The following LRP12 variants were observed in gnomAD, a reference collection of about 807,000 sequenced individuals.
LRP12 encodes low-density lipoprotein receptor-related protein 12.
Under a neutral mutation model 66.0 loss-of-function variants are expected in LRP12, and 14 were observed. That is an observed-to-expected ratio of 0.21 (90% CI 0.14 to 0.33). The LOEUF (loss-of-function observed/expected upper bound fraction) is 0.33. Ranked by LOEUF, LRP12 falls within the 10% of genes least tolerant of loss-of-function variation. LRP12 has a pLI of 1.00. For missense variants in LRP12, 889 were observed against 1,053.4 expected, an observed-to-expected ratio of 0.84 and a Z score of 2.16; for synonymous variants, 357 against 359.1, an observed-to-expected ratio of 0.99 and a Z score of 0.07.
At chr8:104,533,415 C>G (rs1034455828) in intron 1 of LRP12, among the ~76,000 whole-genome samples, 1 of 152,040 alleles carries the variant, frequency 6.6e-6, no homozygotes, top group Non-Finnish European at 1.5e-5. Context: ...TTGCTACTCA[C>G]GAGTAGACTA....
rs1206769123 is a variant in LRP12, at chr8:104,548,361, T to A, written c.80-16398A>T. Among the ~76,000 whole-genome samples, 11 of 47,884 alleles carry A rather than the reference T, an allele frequency of 2.3e-4. No homozygotes were observed. In the Admixed American group the frequency reaches 3.2e-3, roughly 14 times the overall value. 31.4% of individuals were successfully genotyped at this position (47,884 alleles called of 152,430 possible). Reference sequence around the variant, plus strand: ...TAAATATATAAATATATAATATATATTATATAAATATATTATATAAATATA... The same window carrying A: ...TAAATATATAAATATATAATATATAATATATAAATATATTATATAAATATA... On this transcript the variant is annotated intron_variant, in intron 1 of 6. Transcript: ENST00000276654.
intron 1 of LRP12, among the ~76,000 whole-genome samples, chr8:104,548,185 T>TATATAAC (rs1393316805): frequency 1.9e-5 from 2 of 103,226 alleles, no homozygotes. Context: ...TAATATATAA[T>TATATAAC]ATATATATAA....
At chr8:104,559,980 G>T (rs1309113971) in intron 1 of LRP12, among the ~76,000 whole-genome samples, 1 of 152,068 alleles carries the variant, frequency 6.6e-6, no homozygotes, top group Non-Finnish European at 1.5e-5. Context: ...GTTTACCAAT[G>T]AAGAAACTAA....
At chr8:104,506,412 G>A (rs773688396) in intron 3 of LRP12, 4 of 151,670 alleles carry the variant, frequency 2.6e-5, no homozygotes, top group Non-Finnish European at 5.9e-5. Flanking sequence ...CTGGAATTTT[G>A]GTTTACAGGT....
intron 1 of LRP12, among the ~76,000 whole-genome samples, chr8:104,559,179 C>G (rs1811862614): frequency 6.6e-6 from 1 of 152,056 alleles, no homozygotes; most frequent in South Asian, 2.1e-4. Context: ...GTACAATTCA[C>G]AATTGCAAAA....
intron 1 of LRP12, among the ~76,000 whole-genome samples, chr8:104,562,068 A>C (rs1171865260): frequency 6.6e-6 from 1 of 152,214 alleles, no homozygotes; most frequent in Non-Finnish European, 1.5e-5. Context: ...AGCGTAAAGT[A>C]GTATAATCTT....
intron 2 of LRP12, among the ~76,000 whole-genome samples, chr8:104,531,322 T>C (rs981027768): frequency 6.6e-6 from 1 of 152,080 alleles, no homozygotes; most frequent in African/African-American, 2.4e-5. Context: ...AGAATAAAAA[T>C]TTTAGTAGTT....
intron 1 of LRP12, among the ~76,000 whole-genome samples, chr8:104,548,233 TATTAATATACG>T (rs1287517217): frequency 8.9e-4 from 91 of 102,546 alleles, no homozygotes; most frequent in African/African-American, 3.8e-3. Context: ...GATATATTTA[TATTAATATACG>T]ATATATATTA....
intron 1 of LRP12, among the ~76,000 whole-genome samples, chr8:104,578,619 TG>T (rs1812201278): frequency 6.6e-6 from 1 of 151,452 alleles, no homozygotes; most frequent in Non-Finnish European, 1.5e-5. Flanking sequence ...AAAAACTTAC[TG>T]GCAACAAAAG....
intron 1 of LRP12, among the ~76,000 whole-genome samples, chr8:104,538,795 AT>A (rs1174510771): frequency 6.6e-6 from 1 of 152,218 alleles, no homozygotes; most frequent in African/African-American, 2.4e-5. Context: ...ACATGTAGCT[AT>A]TAATCATTTA....
intron 2 of LRP12, among the ~76,000 whole-genome samples, chr8:104,523,140 T>C (rs1387977325): frequency 6.6e-6 from 1 of 151,932 alleles, no homozygotes; most frequent in African/African-American, 2.4e-5. Flanking sequence ...TGGGTTTGAA[T>C]TGTGTAAGTC....
chr8:104,515,242 T>C (rs1363822320), intron 2 of LRP12, among the ~76,000 whole-genome samples: 1 of 152,216 alleles, frequency 6.6e-6, no homozygotes, highest in African/African-American at 2.4e-5. Flanking sequence ...TTCATTCTAT[T>C]CATACCTTTT....
chr8:104,508,871 A>G, intron 3 of LRP12, 68 bp downstream of exon 3: 3 of 1,389,148 alleles, frequency 2.2e-6, no homozygotes, highest in Non-Finnish European at 3.0e-6. Flanking sequence ...CATGTTAAGT[A>G]ATAATAAATG....
In LRP12 at chr8:104,560,920, C is replaced by T. The variant is rs564362833; in HGVS notation, c.79+27899G>A. ...GTTAAAGAAGCCACATCAGCTGTCC[C>T]GTAGAAGGCCCATATTTTGTGGTGT... is the stretch of plus-strand genomic sequence containing the variant. On this transcript the variant is annotated intron_variant, in intron 1 of 6. Transcript: ENST00000276654. 4.3e-4 allele frequency among the ~76,000 whole-genome samples: 65 copies of T among 152,222 alleles called. 1 individual carries two copies. Among genetic ancestry groups the T allele is most frequent in the African/African-American group, 1.4e-3 (59 of 41,558 alleles).
chr8:104,545,300 C>T (rs1356738340), intron 1 of LRP12, among the ~76,000 whole-genome samples: 1 of 152,150 alleles, frequency 6.6e-6, no homozygotes, highest in Non-Finnish European at 1.5e-5. Flanking sequence ...AGGGAAGATG[C>T]TGTCAACATT....
rs1177677482 is a variant in LRP12 at position 104,526,901 on chromosome 8, C to G, written c.136+5006G>C. The stretch of plus-strand genomic sequence containing the variant: ...ACCATCAGAGTGAACAGGCAACCTA[C>G]AAAATGGGAGAAAATTTTCGCAACC... On this transcript the variant is annotated intron_variant, in intron 2 of 6. Transcript: ENST00000276654. Among the ~76,000 whole-genome samples, 4 of 144,256 alleles carry G rather than the reference C, an allele frequency of 2.8e-5. No homozygotes were observed. In the East Asian group the frequency reaches 5.9e-4, roughly 21 times the overall value. The allele number at this position is 144,256 out of a possible 152,430, so 94.6% of individuals were successfully genotyped here. A position where few individuals can be genotyped will look rare whatever the true frequency, so the allele number is the denominator to read the frequency against.
In LRP12 at chr8:104,589,178, C is replaced by T. The variant is rs575087930; in HGVS notation, c.-281G>A. ...GGGCAAGGGCAAGGAGCTCGCGCGC[C>T]AGCGCGAGACGAGAGGGTGGCGGAC... is the stretch of plus-strand genomic sequence containing the variant. On this transcript the variant is annotated 5_prime_UTR_variant, in exon 1 of 7. Coordinates refer to ENST00000276654, the MANE Select transcript of LRP12 (RefSeq NM_013437.5). 0.013 allele frequency among the ~76,000 whole-genome samples: 1,981 copies of T among 151,532 alleles called. 47 individuals carry two copies. The highest frequency in any genetic ancestry group is 0.044 in the African/African-American group (1,828 of 41,424).
intron 1 of LRP12, among the ~76,000 whole-genome samples, chr8:104,581,347 G>T (rs894192517): frequency 1.3e-5 from 2 of 150,874 alleles, no homozygotes; most frequent in African/African-American, 5.0e-5. Context: ...TACTATATAC[G>T]ATATGATGTA....
At chr8:104,521,634 T>C (rs998073887) in intron 2 of LRP12, among the ~76,000 whole-genome samples, 5 of 151,424 alleles carry the variant, frequency 3.3e-5, no homozygotes, top group African/African-American at 1.2e-4. Flanking sequence ...TATCAAGAAT[T>C]TACTCTGTCT....
Sources: allele counts gnomAD v4.1 joint callset (sites outside exome capture counted in the v4.1 genomes callset), GRCh38; gene constraint gnomAD v4.1.1; transcripts MANE v1.5; gene names NCBI Gene and HGNC (gene_info 2026-07-23, HGNC 2026-07-21).